FAT3: variants seen among roughly 807,000 people sequenced by gnomAD.
FAT3 encodes the protein FAT atypical cadherin 3.
FAT3 carries 95 observed loss-of-function variants against 310.2 expected under a neutral mutation model. That is an observed-to-expected ratio of 0.31 (90% CI 0.26 to 0.36). The LOEUF is 0.36. Ranked by LOEUF, FAT3 falls within the 10% of genes least tolerant of loss-of-function variation. The probability of loss-of-function intolerance (pLI) is 1.00; values close to 1 mark genes in which losing one functional copy is unlikely to be tolerated. For missense variants in FAT3, 5,408 were observed against 5,715.6 expected (o/e 0.95, Z 1.74); for synonymous variants, 2,314 against 2,192.9 (o/e 1.06, Z -1.54).
At position 92,665,752 on chromosome 11, in the gene FAT3, G is replaced by A. The variant is rs11602546; in HGVS notation, c.3608-31632G>A. Among the ~76,000 whole-genome samples the A allele has an allele frequency of 7.1e-3, 1,084 of 152,268 alleles. 7 individuals are homozygous for A. Among genetic ancestry groups the A allele is most frequent in the Middle Eastern group, 0.027 (8 of 294 alleles). On this transcript the variant is annotated intron_variant, in intron 3 of 27. Coordinates refer to ENST00000525166, the MANE Select transcript of FAT3 (RefSeq NM_001367949.2). ...AGTCCTCCCCTCCTCTCTTCTTCAT[G>A]ATACTTCAAGAACTTTTATGTTCAT...
rs752839254 is a variant in FAT3 at position 92,798,145 on chromosome 11, A to G, written c.5132A>G (p.Asn1711Ser). The G allele has an allele frequency of 1.2e-6, 2 of 1,613,966 alleles. No individual in the cohort carries two copies. Among genetic ancestry groups the G allele is most frequent in the Non-Finnish European group, 1.7e-6 (2 of 1,179,868 alleles). Residue 1711 changes from asparagine to serine, a missense_variant, in exon 10 of 28, where the codon AAT (asparagine) becomes AGT (serine). Asn to Ser is a conservative substitution (Grantham distance 46, BLOSUM62 1). Around this residue, in one of 5 missense-constraint regions of FAT3, gnomAD observed 4,588 missense variants for 4,809.8 expected, o/e 0.95. Transcript: ENST00000525166. Reference sequence around the variant, plus strand: ...TATGAAGTCAAAGATGGAGACATTAATGGGATCTTTACCATAAATCCATAT... The same window carrying G: ...TATGAAGTCAAAGATGGAGACATTAGTGGGATCTTTACCATAAATCCATAT... ...LIYEVKDGDI[N>S]GIFTINPYSG...
chr11:92,367,753 C>T (rs543669399), intron 2 of FAT3, among the ~76,000 whole-genome samples: 1 of 152,310 alleles, frequency 6.6e-6, no homozygotes, highest in Non-Finnish European at 1.5e-5. Flanking sequence ...TTCCCTGTGG[C>T]CTTAGGCCCA....
intron 7 of FAT3, among the ~76,000 whole-genome samples, chr11:92,774,734 T>C (rs761635841): frequency 1.3e-5 from 2 of 152,154 alleles, no homozygotes; most frequent in Non-Finnish European, 2.9e-5. Flanking sequence ...TAGAACCCCC[T>C]GGTTGTGGGG....
At chr11:92,650,092 A>G (rs1271411439) in intron 3 of FAT3, among the ~76,000 whole-genome samples, 1 of 143,080 alleles carries the variant, frequency 7.0e-6, no homozygotes, top group Non-Finnish European at 1.5e-5. Context: ...GAATAGGTCT[A>G]TAGGAGCTGA....
chr11:92,368,683 C>T (rs1030512177), intron 2 of FAT3, among the ~76,000 whole-genome samples: 2 of 151,980 alleles, frequency 1.3e-5, no homozygotes, highest in African/African-American at 4.8e-5. Context: ...TCTAGTGCCA[C>T]CCACCTCAGG....
intron 2 of FAT3, among the ~76,000 whole-genome samples, chr11:92,396,545 C>T (rs1949873721): frequency 6.6e-6 from 1 of 152,242 alleles, no homozygotes; most frequent in East Asian, 1.9e-4. Flanking sequence ...TCAGTGGCCT[C>T]TCCTGGCCCA....
At chr11:92,306,598 T>A (rs1215811566) in intron 1 of FAT3, among the ~76,000 whole-genome samples, 48 of 124,684 alleles carry the variant, frequency 3.8e-4, no homozygotes, top group African/African-American at 1.4e-3. Flanking sequence ...ATTATATATA[T>A]TATATATTTA....
intron 13 of FAT3, among the ~76,000 whole-genome samples, chr11:92,819,544 A>T (rs1182171835): frequency 6.6e-6 from 1 of 152,180 alleles, no homozygotes; most frequent in Non-Finnish European, 1.5e-5. Context: ...TGTGTCACAA[A>T]CGCCTTAACA....
intron 2 of FAT3, among the ~76,000 whole-genome samples, chr11:92,435,517 T>G (rs922662267): frequency 6.9e-6 from 1 of 145,130 alleles, no homozygotes; most frequent in African/African-American, 2.6e-5. Context: ...CTTCCTTCCT[T>G]CCTTTCTCTT....
At chr11:92,556,673 A>G (rs1481841600) in intron 3 of FAT3, among the ~76,000 whole-genome samples, 2 of 152,268 alleles carry the variant, frequency 1.3e-5, no homozygotes, top group Non-Finnish European at 2.9e-5. Context: ...AACATGCTTA[A>G]GTTTCCACAC....
chr11:92,321,234 A>G (rs1025588896), intron 1 of FAT3, among the ~76,000 whole-genome samples: 16 of 152,092 alleles, frequency 1.1e-4, no homozygotes, highest in African/African-American at 3.6e-4. Flanking sequence ...CAGGAGATCG[A>G]GACCATCCTG....
chr11:92,723,808 C>T (rs759273587), intron 4 of FAT3, among the ~76,000 whole-genome samples: 20 of 152,114 alleles, frequency 1.3e-4, no homozygotes, highest in Non-Finnish European at 2.4e-4. Context: ...CTCACTATCA[C>T]GAGAACAGCA....
intron 1 of FAT3, among the ~76,000 whole-genome samples, chr11:92,232,465 T>C (rs945787390): frequency 6.6e-6 from 1 of 152,136 alleles, no homozygotes; most frequent in Non-Finnish European, 1.5e-5. Context: ...ATTCAGACAC[T>C]GTATAAGATG....
chr11:92,606,762 C>A (rs1940318755), intron 3 of FAT3, among the ~76,000 whole-genome samples: 2 of 152,190 alleles, frequency 1.3e-5, no homozygotes, highest in South Asian at 4.1e-4. Flanking sequence ...AACTGTGGAA[C>A]TAGCACTTAA....
At chr11:92,266,924 T>A (rs1414499308) in intron 1 of FAT3, among the ~76,000 whole-genome samples, 1 of 152,156 alleles carries the variant, frequency 6.6e-6, no homozygotes, top group Non-Finnish European at 1.5e-5. Flanking sequence ...AGTTACATTC[T>A]GTGAGCAAAT....
At chr11:92,660,146 C>A (rs978944930) in intron 3 of FAT3, among the ~76,000 whole-genome samples, 2 of 151,548 alleles carry the variant, frequency 1.3e-5, no homozygotes, top group Non-Finnish European at 2.9e-5. Context: ...TAATAACAAT[C>A]CAAATAACTC....
rs981763661 is a variant in FAT3, at chr11:92,891,324, T to A, written c.*211T>A. On this transcript the variant is annotated 3_prime_UTR_variant, in exon 28 of 28. Coordinates refer to ENST00000525166, the MANE Select transcript of FAT3 (RefSeq NM_001367949.2). ...AGGCTCAGAAATTGTTTTTGAGAGG[T>A]GACTGGTAATCCTTGATGTAGGTAC... The A allele has an allele frequency of 1.5e-6, 1 of 661,824 alleles. No individual in the cohort carries two copies. The highest frequency in any genetic ancestry group is 1.8e-5 in the African/African-American group (1 of 54,930). The allele number at this position is 661,824 out of a possible 1,614,324, so 41.0% of individuals were successfully genotyped here. A position where few individuals can be genotyped will look rare whatever the true frequency, so the allele number is the denominator to read the frequency against.
Position 92,248,233 on chromosome 11 carries a change from A to G in FAT3, c.-18+23059A>G, listed in dbSNP as rs142249334. Among the ~76,000 whole-genome samples the G allele has an allele frequency of 1.6e-3, 238 of 152,174 alleles. 1 individual carries two copies. Among genetic ancestry groups the G allele is most frequent in the African/African-American group, 5.5e-3 (227 of 41,562 alleles). ...TCTTTGAAGACTATTTTTTGCAGGA[A>G]TGGCTGCATTTATATCTCATACTCT... On this transcript the variant is annotated intron_variant, in intron 1 of 27. Coordinates refer to ENST00000525166, the MANE Select transcript of FAT3 (RefSeq NM_001367949.2).
rs1318602248 is a variant in FAT3, at chr11:92,252,108, T to G, written c.-18+26934T>G. ...TGACTTAGCAAGGCTTGGAATGCCT[T>G]GAGCTGTTAAGAAATGTGTGAGGAA... On this transcript the variant is annotated intron_variant, in intron 1 of 27. Coordinates refer to ENST00000525166, the MANE Select transcript of FAT3 (RefSeq NM_001367949.2). Among the ~76,000 whole-genome samples, 4 of 152,212 alleles carry G rather than the reference T, an allele frequency of 2.6e-5. No homozygotes were observed. In the East Asian group the frequency reaches 5.8e-4, roughly 22 times the overall value.
Sources: gnomAD v4.1 joint callset for allele counts (sites outside exome capture counted in the v4.1 genomes callset) on GRCh38, gnomAD v4.1.1 for gene constraint, gnomAD v4.1.1 regional missense constraint, MANE v1.5 for transcripts, NCBI Gene and HGNC (gene_info 2026-07-23, HGNC 2026-07-21) for gene names.